Variants in GALNT7 observed in about 807,000 individuals in gnomAD.
GALNT7 encodes the protein N-acetylgalactosaminyltransferase 7.
Under a neutral mutation model 82.1 loss-of-function variants are expected in GALNT7, and 60 were observed. The ratio of observed to expected loss-of-function variants is 0.73; its 90% confidence interval spans 0.59 to 0.91. The LOEUF (loss-of-function observed/expected upper bound fraction) is 0.91. GALNT7 is among the 40% of genes least tolerant of loss of function. The probability of loss-of-function intolerance (pLI) is 0.00; values close to 1 mark genes in which losing one functional copy is unlikely to be tolerated. For missense variants in GALNT7, 660 were observed against 804.2 expected, an observed-to-expected ratio of 0.82 and a Z score of 2.17; for synonymous variants, 243 against 275.1, an observed-to-expected ratio of 0.88 and a Z score of 1.15.
intron 2 of GALNT7, among the ~76,000 whole-genome samples, chr4:173,281,890 G>A (rs1375086928): frequency 6.6e-6 from 1 of 152,144 alleles, no homozygotes; most frequent in Non-Finnish European, 1.5e-5. Context: ...TTGCAGTTTT[G>A]CCAGTGCACC....
At position 173,168,909 on chromosome 4, in the gene GALNT7, G is replaced by A. The variant is rs1579868476; in HGVS notation, c.74G>A (p.Trp25Ter). 6.2e-7 allele frequency: 1 copy of A among 1,613,688 alleles called. No homozygotes were observed. The highest frequency in any genetic ancestry group is 1.3e-5 in the African/African-American group (1 of 74,908). ...VGSFLGLVVL[W>*]SSLTPRPDDP... ...AGCTTCCTGGGGCTAGTGGTCCTCTGGTCTTCCCTGACCCCGCGGCCGGAC... is the reference window on the plus strand; with the variant it reads ...AGCTTCCTGGGGCTAGTGGTCCTCTAGTCTTCCCTGACCCCGCGGCCGGAC... The change falls in exon 1 of 12, where the codon TGG becomes TAG. Residue 25 changes from tryptophan (W) to a stop codon, truncating the protein, a stop_gained. Transcript: ENST00000265000. LOFTEE classifies it high-confidence loss of function.
chr4:173,226,328 C>T (rs942102216), intron 1 of GALNT7, among the ~76,000 whole-genome samples: 1 of 152,158 alleles, frequency 6.6e-6, no homozygotes, highest in African/African-American at 2.4e-5. Context: ...CAGCTTTTAA[C>T]TCCGTGCCTT....
intron 2 of GALNT7, among the ~76,000 whole-genome samples, chr4:173,290,530 A>G (rs1400281671): frequency 1.3e-5 from 2 of 152,142 alleles, no homozygotes; most frequent in African/African-American, 4.8e-5. Flanking sequence ...CTCCTCAGAA[A>G]AGGGAAGTAG....
intron 2 of GALNT7, among the ~76,000 whole-genome samples, chr4:173,262,119 G>C (rs1348375868): frequency 6.6e-6 from 1 of 152,086 alleles, no homozygotes; most frequent in Non-Finnish European, 1.5e-5. Context: ...GGTTGTTTTA[G>C]TTGAAATATA....
intron 1 of GALNT7, among the ~76,000 whole-genome samples, chr4:173,173,096 A>G (rs533408506): frequency 6.6e-6 from 1 of 152,310 alleles, no homozygotes; most frequent in African/African-American, 2.4e-5. Flanking sequence ...AAGAGCTCCT[A>G]AAGATGCAAA....
intron 2 of GALNT7, among the ~76,000 whole-genome samples, chr4:173,284,544 A>G (rs1472362682): frequency 6.6e-6 from 1 of 152,212 alleles, no homozygotes; most frequent in Non-Finnish European, 1.5e-5. Context: ...TCTCTTCAGC[A>G]TGCTCCAGGG....
chr4:173,175,795 T>A (rs553817742), intron 1 of GALNT7, among the ~76,000 whole-genome samples: 1 of 152,220 alleles, frequency 6.6e-6, no homozygotes, highest in African/African-American at 2.4e-5. Context: ...AATGGGAGGC[T>A]GGTGCGGTGG....
At chr4:173,285,998 T>C (rs548516262) in intron 2 of GALNT7, among the ~76,000 whole-genome samples, 16 of 152,060 alleles carry the variant, frequency 1.1e-4, no homozygotes, top group African/African-American at 3.6e-4. Flanking sequence ...TGGAAAAAAG[T>C]AATTCAGTTG....
At chr4:173,241,072 C>CA (rs1381522510) in intron 1 of GALNT7, among the ~76,000 whole-genome samples, 3 of 151,762 alleles carry the variant, frequency 2.0e-5, no homozygotes, top group Non-Finnish European at 2.9e-5. Flanking sequence ...AGTTGATTGA[C>CA]AAAAAATAGT....
chr4:173,261,064 T>C (rs1735238673), intron 2 of GALNT7, among the ~76,000 whole-genome samples: 1 of 152,244 alleles, frequency 6.6e-6, no homozygotes, highest in Non-Finnish European at 1.5e-5. Context: ...CCTGCATCTG[T>C]ATAATTGTCG....
chr4:173,199,679 C>A (rs903373885), intron 1 of GALNT7, among the ~76,000 whole-genome samples: 1 of 152,110 alleles, frequency 6.6e-6, no homozygotes, highest in Non-Finnish European at 1.5e-5. Context: ...TGTTTTCTAC[C>A]CAATTTAACT....
chr4:173,249,181 A>G (rs544651397), intron 2 of GALNT7, among the ~76,000 whole-genome samples: 1 of 152,338 alleles, frequency 6.6e-6, no homozygotes, highest in South Asian at 2.1e-4. Context: ...TCATTAATGT[A>G]GTTGGAAATT....
chr4:173,249,516 C>T (rs945599747), intron 2 of GALNT7, among the ~76,000 whole-genome samples: 2 of 152,186 alleles, frequency 1.3e-5, no homozygotes, highest in African/African-American at 4.8e-5. Flanking sequence ...GATACAACCT[C>T]TTATACAGAG....
intron 2 of GALNT7, among the ~76,000 whole-genome samples, chr4:173,285,040 A>T (rs988571452): frequency 6.6e-6 from 1 of 152,244 alleles, no homozygotes; most frequent in African/African-American, 2.4e-5. Flanking sequence ...GAATTTAGTC[A>T]ATATGTTCAC....
chr4:173,182,172 G>A (rs1396841710), intron 1 of GALNT7, among the ~76,000 whole-genome samples: 1 of 152,136 alleles, frequency 6.6e-6, no homozygotes, highest in Non-Finnish European at 1.5e-5. Flanking sequence ...TAAGTGACAG[G>A]TACTTATGTT....
At chr4:173,296,701 C>A (rs1249674990) in intron 5 of GALNT7, among the ~76,000 whole-genome samples, 1 of 152,180 alleles carries the variant, frequency 6.6e-6, no homozygotes, top group Non-Finnish European at 1.5e-5. Flanking sequence ...GTTTACACTG[C>A]ACCATGTATT....
At chr4:173,192,660 A>G (rs1178930829) in intron 1 of GALNT7, among the ~76,000 whole-genome samples, 1 of 152,204 alleles carries the variant, frequency 6.6e-6, no homozygotes, top group African/African-American at 2.4e-5. Flanking sequence ...AACCATCAGA[A>G]TGCACCTGCC....
At chr4:173,275,327 G>C (rs1735862440) in intron 2 of GALNT7, among the ~76,000 whole-genome samples, 1 of 152,204 alleles carries the variant, frequency 6.6e-6, no homozygotes, top group Non-Finnish European at 1.5e-5. Flanking sequence ...TACCGTTACT[G>C]TGTTTGAGGA....
chr4:173,215,847 C>A (rs1346853024), intron 1 of GALNT7, among the ~76,000 whole-genome samples: 1 of 152,188 alleles, frequency 6.6e-6, no homozygotes, highest in Non-Finnish European at 1.5e-5. Flanking sequence ...CAGTGGTTCA[C>A]GCCCGTAATC....
Sources: gnomAD v4.1 joint callset for allele counts (sites outside exome capture counted in the v4.1 genomes callset) on GRCh38, gnomAD v4.1.1 for gene constraint, MANE v1.5 for transcripts, NCBI Gene and HGNC (gene_info 2026-07-23, HGNC 2026-07-21) for gene names.